MDGA2: variants seen among roughly 807,000 people sequenced by gnomAD.
MDGA2 encodes the protein MAM domain-containing glycosylphosphatidylinositol anchor protein 2.
MDGA2 carries 40 observed loss-of-function variants against 117.8 expected under a neutral mutation model. The ratio of observed to expected loss-of-function variants is 0.34; its 90% CI spans 0.26 to 0.44. The LOEUF is 0.44. MDGA2 is among the 20% of genes least tolerant of loss of function. The pLI is 1.00. For missense variants in MDGA2, 1,123 were observed against 1,250.6 expected (o/e 0.90, Z 1.54); for synonymous variants, 452 against 439.0 (o/e 1.03, Z -0.37).
chr14:47,610,627 G>A (rs1896830723), intron 1 of MDGA2, among the ~76,000 whole-genome samples: 1 of 151,900 alleles, frequency 6.6e-6, no homozygotes, highest in Non-Finnish European at 1.5e-5. Flanking sequence ...ACCTAACCAA[G>A]GAGGTGTAAG....
chr14:47,055,537 A>T (rs904443683), intron 7 of MDGA2, among the ~76,000 whole-genome samples: 3 of 152,170 alleles, frequency 2.0e-5, no homozygotes, highest in African/African-American at 7.2e-5. Flanking sequence ...ATATCTGTTA[A>T]TAAGATTTTA....
rs1000010745 is a variant in MDGA2 at position 46,866,629 on chromosome 14, T to C, written c.2752+6804A>G. 1.8e-4 allele frequency among the ~76,000 whole-genome samples: 28 copies of C among 151,850 alleles called. 1 individual carries two copies. The highest frequency in any genetic ancestry group is 6.3e-4 in the African/African-American group (26 of 41,470). ...AACCTACAAAATGGGAGAAAATTTTTGCAACCTACTCATCTGACAAAGGGC... is the reference window on the plus strand; with the variant it reads ...AACCTACAAAATGGGAGAAAATTTTCGCAACCTACTCATCTGACAAAGGGC... On this transcript the variant is annotated intron_variant, in intron 14 of 16. Transcript: ENST00000399232.
chr14:47,034,011 T>C (rs1888752774), intron 8 of MDGA2, among the ~76,000 whole-genome samples: 1 of 152,326 alleles, frequency 6.6e-6, no homozygotes, highest in South Asian at 2.1e-4. Flanking sequence ...CAGACAAAAA[T>C]GACATCGTTT....
intron 1 of MDGA2, among the ~76,000 whole-genome samples, chr14:47,499,857 T>C (rs181238305): frequency 6.6e-6 from 1 of 152,292 alleles, no homozygotes; most frequent in Non-Finnish European, 1.5e-5. Context: ...TCTACTATAA[T>C]TGTGCATTCT....
chr14:46,942,070 A>G (rs2138583606), intron 9 of MDGA2, among the ~76,000 whole-genome samples: 1 of 152,240 alleles, frequency 6.6e-6, no homozygotes, highest in Admixed American at 6.6e-5. Context: ...GGGTCTTTCT[A>G]TATTTTTGAT....
At chr14:47,188,219 G>C (rs1884981764) in intron 3 of MDGA2, among the ~76,000 whole-genome samples, 1 of 152,032 alleles carries the variant, frequency 6.6e-6, no homozygotes, top group African/African-American at 2.4e-5. Flanking sequence ...AATGTGGGCT[G>C]GACCTATTGA....
intron 1 of MDGA2, among the ~76,000 whole-genome samples, chr14:47,571,762 T>TG (rs1555333030): frequency 2.3e-5 from 1 of 43,348 alleles, no homozygotes; most frequent in East Asian, 1.2e-3. Context: ...CGGGGGGCGG[T>TG]CGGGGGATAG....
At chr14:47,213,898 C>T (rs143426752) in intron 3 of MDGA2, among the ~76,000 whole-genome samples, 11 of 152,176 alleles carry the variant, frequency 7.2e-5, no homozygotes, top group South Asian at 4.1e-4. Flanking sequence ...CAGCGGAAGG[C>T]AAAGAGAAAG....
chr14:47,243,212 T>C (rs1887120576), intron 2 of MDGA2, among the ~76,000 whole-genome samples: 1 of 151,632 alleles, frequency 6.6e-6, no homozygotes, highest in Non-Finnish European at 1.5e-5. Context: ...TTGGAGAACC[T>C]GTGTGTCTAA....
intron 1 of MDGA2, among the ~76,000 whole-genome samples, chr14:47,321,490 G>T: frequency 6.6e-6 from 1 of 152,162 alleles, no homozygotes; most frequent in Non-Finnish European, 1.5e-5. Context: ...TACCTGCTCA[G>T]CTTGTCAACA....
intron 1 of MDGA2, among the ~76,000 whole-genome samples, chr14:47,541,438 C>T (rs1291614814): frequency 3.3e-5 from 5 of 152,160 alleles, no homozygotes; most frequent in African/African-American, 1.2e-4. Flanking sequence ...TTTAATTCCT[C>T]GTTTGGTTTC....
chr14:47,015,213 A>G (rs1888039191), intron 8 of MDGA2, among the ~76,000 whole-genome samples: 1 of 152,058 alleles, frequency 6.6e-6, no homozygotes, highest in African/African-American at 2.4e-5. Flanking sequence ...AATGTCTAAG[A>G]TCACTGCTCA....
In MDGA2 at chr14:47,144,282, A is replaced by G; in HGVS notation, c.596-8T>C. ...CTACTGGATCATCCAAATCTAAAGG[A>G]AATAAAAACAACCAAATGGCAATGT... On this transcript the variant is annotated splice_polypyrimidine_tract_variant and splice_region_variant and intron_variant, in intron 3 of 16. Coordinates refer to ENST00000399232, the MANE Select transcript of MDGA2 (RefSeq NM_001113498.3). The G allele has an allele frequency of 1.3e-6, 2 of 1,542,542 alleles. No homozygotes were observed. The highest frequency in any genetic ancestry group is 4.0e-5 in the Admixed American group (2 of 50,172).
At chr14:47,588,119 AT>A (rs1323625929) in intron 1 of MDGA2, among the ~76,000 whole-genome samples, 2 of 151,440 alleles carry the variant, frequency 1.3e-5, no homozygotes, top group South Asian at 4.2e-4. Flanking sequence ...TTATCTACTT[AT>A]AGGTGGATGA....
intron 1 of MDGA2, among the ~76,000 whole-genome samples, chr14:47,582,728 C>T (rs956676795): frequency 6.6e-6 from 1 of 151,846 alleles, no homozygotes; most frequent in African/African-American, 2.4e-5. Context: ...CATTATTCTA[C>T]CCAGATAAAT....
intron 8 of MDGA2, among the ~76,000 whole-genome samples, chr14:46,994,292 T>G (rs1887203469): frequency 6.6e-6 from 1 of 152,164 alleles, no homozygotes; most frequent in Admixed American, 6.6e-5. Context: ...GTCTGTATTC[T>G]TCCCTACAAT....
At chr14:47,500,769 C>A (rs893037160) in intron 1 of MDGA2, among the ~76,000 whole-genome samples, 1 of 152,056 alleles carries the variant, frequency 6.6e-6, no homozygotes, top group African/African-American at 2.4e-5. Context: ...CAATTCATTA[C>A]AACTGTAGTT....
At chr14:47,175,189 G>C (rs889453757) in intron 3 of MDGA2, among the ~76,000 whole-genome samples, 13 of 151,544 alleles carry the variant, frequency 8.6e-5, no homozygotes, top group Middle Eastern at 3.4e-3. Flanking sequence ...TCCAGGACCA[G>C]ATGGATTCAC....
intron 1 of MDGA2, among the ~76,000 whole-genome samples, chr14:47,304,723 G>C (rs1889387916): frequency 6.6e-6 from 1 of 152,066 alleles, no homozygotes. Context: ...TAATCGCTGT[G>C]CATGGGTGGC....
Sources: gnomAD v4.1 joint callset for allele counts (sites outside exome capture counted in the v4.1 genomes callset) on GRCh38, gnomAD v4.1.1 for gene constraint, MANE v1.5 for transcripts, NCBI Gene and HGNC (gene_info 2026-07-23, HGNC 2026-07-21) for gene names.